COL11A1: variants seen among roughly 807,000 people sequenced by gnomAD.
COL11A1 encodes the protein collagen alpha-1(XI) chain.
COL11A1 carries 74 observed loss-of-function variants against 265.2 expected under a neutral mutation model. The ratio of observed to expected loss-of-function variants is 0.28; its 90% CI spans 0.23 to 0.34. The LOEUF (loss-of-function observed/expected upper bound fraction) is 0.34. COL11A1 is among the 10% of genes least tolerant of loss of function. COL11A1 has a pLI of 1.00. For synonymous variants in COL11A1, 816 were observed against 727.6 expected, an observed-to-expected ratio of 1.12 and a Z score of -1.96; for missense variants, 2,165 against 2,263.6, an observed-to-expected ratio of 0.96 and a Z score of 0.88.
chr1:102,888,962 T>G (rs955352906), intron 59 of COL11A1, 43 bp from the exon 60 acceptor site: 2 of 1,543,004 alleles, frequency 1.3e-6, no homozygotes, highest in Non-Finnish European at 1.8e-6. Flanking sequence ...TTCTCAGCTA[T>G]TTCATTTTCA....
At chr1:102,931,342 T>C (rs149764301) in intron 46 of COL11A1, among the ~76,000 whole-genome samples, 138,443 of 142,682 alleles carry the variant, frequency 0.97, 67,319 homozygotes, top group South Asian at 1. Context: ...GCCTTCATTT[T>C]GTTATGTACC....
Position 103,013,635 on chromosome 1 carries a change from T to A in COL11A1, c.1572+876A>T, listed in dbSNP as rs76576254. Reference sequence around the variant, plus strand: ...GACTTAGGAAAGACATAAACAAATATTGAGGATGAATTACAATTTTTACTC... The same window carrying A: ...GACTTAGGAAAGACATAAACAAATAATGAGGATGAATTACAATTTTTACTC... On this transcript the variant is annotated intron_variant, in intron 13 of 66. Transcript: ENST00000370096. 5.9e-4 allele frequency among the ~76,000 whole-genome samples: 89 copies of A among 152,034 alleles called. 2 individuals are homozygous for A. In the East Asian group the frequency reaches 0.016, roughly 27 times the overall value.
chr1:102,934,985 G>T, intron 45 of COL11A1, 75 bp downstream of exon 45: 1 of 1,386,098 alleles, frequency 7.2e-7, no homozygotes, highest in South Asian at 1.2e-5. Context: ...AAAATTGACT[G>T]GTTATGGGAC....
intron 46 of COL11A1, among the ~76,000 whole-genome samples, chr1:102,930,200 C>G (rs1285653363): frequency 4.0e-5 from 6 of 151,752 alleles, no homozygotes; most frequent in Non-Finnish European, 8.9e-5. Context: ...CCAGTTTTTG[C>G]CCATTCAGTA....
chr1:103,023,537 G>T (rs1020973110), intron 7 of COL11A1, among the ~76,000 whole-genome samples: 2 of 151,682 alleles, frequency 1.3e-5, no homozygotes, highest in African/African-American at 4.8e-5. Flanking sequence ...TTGTATATTT[G>T]GTAGAGACGG....
chr1:103,100,307 A>G lies in COL11A1; in HGVS notation c.106+7766T>C, dbSNP rs1021802800. ...TCCTGATTAGGACAAGCAATGATCT[A>G]TAAGAGTTCTTTTACTTAATGAAAC... On this transcript the variant is annotated intron_variant, in intron 1 of 66. Transcript: ENST00000370096. The G allele has an allele frequency of 3.9e-5, 6 of 152,058 alleles. No homozygotes were observed. The South Asian group carries it at 8.3e-4, about 21-fold the overall frequency. 9.4% of individuals were successfully genotyped at this position (152,058 alleles called of 1,614,324 possible). A position where few individuals can be genotyped will look rare whatever the true frequency, so the allele number is the denominator to read the frequency against.
At chr1:103,005,724 T>G in intron 18 of COL11A1, 114 bp downstream of exon 18, 2 of 1,199,540 alleles carry the variant, frequency 1.7e-6, no homozygotes, top group Non-Finnish European at 2.5e-6. Context: ...GATTATTAAG[T>G]GGATTCACAA....
intron 4 of COL11A1, among the ~76,000 whole-genome samples, chr1:103,057,387 G>A (rs1438007410): frequency 3.9e-5 from 6 of 152,038 alleles, no homozygotes; most frequent in Non-Finnish European, 5.9e-5. Context: ...CTGCCGCATC[G>A]GCATTGACTT....
intron 25 of COL11A1, 40 bp from the exon 26 acceptor site, chr1:102,997,164 A>C: frequency 6.7e-7 from 1 of 1,482,806 alleles, no homozygotes; most frequent in Non-Finnish European, 9.4e-7. Flanking sequence ...GATGTAATAT[A>C]AACATAGTTG....
At chr1:103,038,347 C>A (rs916044427) in intron 4 of COL11A1, among the ~76,000 whole-genome samples, 5 of 152,072 alleles carry the variant, frequency 3.3e-5, no homozygotes, top group African/African-American at 1.2e-4. Flanking sequence ...TGCTTGTAGT[C>A]CTAGCTACTT....
chr1:102,928,337 G>T (rs1393705066), intron 46 of COL11A1, among the ~76,000 whole-genome samples: 1 of 150,286 alleles, frequency 6.7e-6, no homozygotes, highest in Non-Finnish European at 1.5e-5. Context: ...ACCTATGAGT[G>T]AGAATATGCG....
intron 30 of COL11A1, among the ~76,000 whole-genome samples, chr1:102,985,497 A>G (rs943999584): frequency 6.6e-6 from 1 of 152,092 alleles, no homozygotes; most frequent in African/African-American, 2.4e-5. Flanking sequence ...TACACCATCA[A>G]TTTCAGGATA....
chr1:103,007,788 A>G (rs1357212243), intron 15 of COL11A1, among the ~76,000 whole-genome samples: 1 of 146,804 alleles, frequency 6.8e-6, no homozygotes, highest in Non-Finnish European at 1.5e-5. Flanking sequence ...TGAACCCAGG[A>G]GGCAGAGGTT....
At chr1:102,940,006 A>C (rs1658559326) in intron 43 of COL11A1, among the ~76,000 whole-genome samples, 1 of 152,138 alleles carries the variant, frequency 6.6e-6, no homozygotes, top group African/African-American at 2.4e-5. Flanking sequence ...AACCATATAC[A>C]TGTAATTAAT....
rs191369356 is a variant in COL11A1, at chr1:103,064,407, A to G, written c.651+10211T>C. 2.6e-3 allele frequency among the ~76,000 whole-genome samples: 401 copies of G among 152,134 alleles called. 5 individuals carry two copies. The highest frequency in any genetic ancestry group is 9.3e-3 in the African/African-American group (385 of 41,514). On this transcript the variant is annotated intron_variant, in intron 4 of 66. Coordinates refer to ENST00000370096, the MANE Select transcript of COL11A1 (RefSeq NM_001854.4). ...TACCAGTCATGAAAATACATAGAAG[A>G]GGGCCAGGCGCGGTGGCTCATGCCT...
intron 4 of COL11A1, among the ~76,000 whole-genome samples, chr1:103,040,197 C>T (rs901513006): frequency 1.3e-5 from 2 of 151,200 alleles, no homozygotes; most frequent in Non-Finnish European, 3.0e-5. Context: ...TTCATGTCGA[C>T]AATAGAAAAC....
chr1:102,979,189 C>T, intron 32 of COL11A1, 85 bp from the exon 33 acceptor site: 1 of 1,343,390 alleles, frequency 7.4e-7, no homozygotes, highest in Non-Finnish European at 1.1e-6. Flanking sequence ...CATGCAAGAA[C>T]ATCATTCATT....
At chr1:102,969,884 C>G (rs1245175217) in intron 37 of COL11A1, among the ~76,000 whole-genome samples, 1 of 152,002 alleles carries the variant, frequency 6.6e-6, no homozygotes, top group Non-Finnish European at 1.5e-5. Flanking sequence ...TGGAATGTAT[C>G]TATAAACAGT....
At chr1:102,918,147 G>T (rs1655568009) in intron 49 of COL11A1, among the ~76,000 whole-genome samples, 1 of 151,630 alleles carries the variant, frequency 6.6e-6, no homozygotes, top group Non-Finnish European at 1.5e-5. Context: ...TTATGATAGA[G>T]CACTGATATA....
Sources: allele counts gnomAD v4.1 joint callset (sites outside exome capture counted in the v4.1 genomes callset), GRCh38; gene constraint gnomAD v4.1.1; transcripts MANE v1.5; gene names NCBI Gene and HGNC (gene_info 2026-07-23, HGNC 2026-07-21).